The following RSRC1 variants were observed in gnomAD, a reference collection of about 807,000 sequenced individuals.
RSRC1 encodes serine/Arginine-related protein 53.
In RSRC1, 39 loss-of-function variants were observed where a neutral mutation model predicts 49.1. That is an observed-to-expected ratio of 0.79 (90% confidence interval 0.61 to 1.04). The LOEUF is 1.04. RSRC1 is among the 50% of genes least tolerant of loss of function. The pLI is 0.00. For missense variants in RSRC1, 388 were observed against 402.4 expected (o/e 0.96, Z 0.31); for synonymous variants, 143 against 130.8 (o/e 1.09, Z -0.63).
intron 6 of RSRC1, among the ~76,000 whole-genome samples, chr3:158,392,858 T>TA (rs1733394931): frequency 6.6e-6 from 1 of 152,020 alleles, no homozygotes; most frequent in African/African-American, 2.4e-5. Flanking sequence ...ACTCTCCACC[T>TA]AAAAACAACC....
At chr3:158,425,042 G>A (rs1226791309) in intron 6 of RSRC1, among the ~76,000 whole-genome samples, 6 of 150,680 alleles carry the variant, frequency 4.0e-5, no homozygotes, top group East Asian at 3.9e-4. Context: ...TCCTGGATTC[G>A]TTAATTTTTT....
chr3:158,296,894 C>T (rs979031598), intron 4 of RSRC1, among the ~76,000 whole-genome samples: 1 of 151,840 alleles, frequency 6.6e-6, no homozygotes, highest in Non-Finnish European at 1.5e-5. Flanking sequence ...GGTTGGAAGC[C>T]ATGAGTACAG....
chr3:158,118,462 T>TGTGTGTGTGTGTGTGTGA, intron 1 of RSRC1, among the ~76,000 whole-genome samples: 1 of 124,716 alleles, frequency 8.0e-6, no homozygotes, highest in African/African-American at 3.3e-5. Flanking sequence ...TGTGTGTGTG[T>TGTGTGTGTGTGTGTGTGA]GCGCGTGCGC....
At chr3:158,519,964 A>G (rs1029749215) in intron 7 of RSRC1, among the ~76,000 whole-genome samples, 2 of 152,134 alleles carry the variant, frequency 1.3e-5, no homozygotes, top group African/African-American at 2.4e-5. Flanking sequence ...GAAAACCAGA[A>G]GTGTATGATG....
intron 6 of RSRC1, among the ~76,000 whole-genome samples, chr3:158,360,084 G>T (rs1731384650): frequency 6.6e-6 from 1 of 152,002 alleles, no homozygotes; most frequent in African/African-American, 2.4e-5. Context: ...CAGAGAGAAG[G>T]CCCTGGAGTG....
At chr3:158,288,639 A>C (rs1559978279) in intron 4 of RSRC1, among the ~76,000 whole-genome samples, 1 of 152,146 alleles carries the variant, frequency 6.6e-6, no homozygotes, top group Non-Finnish European at 1.5e-5. Flanking sequence ...TACTGCACAT[A>C]CCAAAGTCTA....
chr3:158,513,906 A>G (rs1254297247), intron 7 of RSRC1, among the ~76,000 whole-genome samples: 1 of 152,186 alleles, frequency 6.6e-6, no homozygotes, highest in African/African-American at 2.4e-5. Context: ...TTATTTGCGT[A>G]GAGGTGTTGG....
chr3:158,180,466 G>A (rs1289552616), intron 3 of RSRC1, among the ~76,000 whole-genome samples: 14 of 122,134 alleles, frequency 1.1e-4, no homozygotes, highest in African/African-American at 4.5e-4. Flanking sequence ...GTCTGTGTGT[G>A]TGTAATTTTT....
chr3:158,170,966 G>T (rs1718848649), intron 3 of RSRC1, among the ~76,000 whole-genome samples: 1 of 152,066 alleles, frequency 6.6e-6, no homozygotes, highest in African/African-American at 2.4e-5. Flanking sequence ...CAGACTCCAA[G>T]AAAAAACCAT....
At chr3:158,373,957 A>G (rs1043486172) in intron 6 of RSRC1, among the ~76,000 whole-genome samples, 4 of 152,082 alleles carry the variant, frequency 2.6e-5, no homozygotes, top group African/African-American at 9.6e-5. Flanking sequence ...TAGTTTTTCA[A>G]TAAGCAGCAC....
chr3:158,527,077 C>CTTTTTTTT (rs543523088), intron 7 of RSRC1, among the ~76,000 whole-genome samples: 4 of 110,178 alleles, frequency 3.6e-5, no homozygotes, highest in Non-Finnish European at 5.5e-5. Context: ...AGTTCAAAAT[C>CTTTTTTTT]TTTTTTTTTT....
intron 7 of RSRC1, among the ~76,000 whole-genome samples, chr3:158,473,872 C>A (rs572098211): frequency 6.6e-6 from 1 of 152,098 alleles, no homozygotes; most frequent in Non-Finnish European, 1.5e-5. Context: ...ATAAATACTT[C>A]TTAACTGATT....
At chr3:158,308,188 G>T (rs913624652) in intron 5 of RSRC1, among the ~76,000 whole-genome samples, 1 of 151,894 alleles carries the variant, frequency 6.6e-6, no homozygotes, top group Admixed American at 6.6e-5. Context: ...AATAAAGTCT[G>T]TTATTTTCTT....
chr3:158,324,297 T>C (rs572333549), intron 5 of RSRC1, among the ~76,000 whole-genome samples: 22 of 152,210 alleles, frequency 1.4e-4, no homozygotes, highest in African/African-American at 4.6e-4. Context: ...GTTTGTTACA[T>C]ATGTATACAT....
At chr3:158,284,777 T>C (rs1726410904) in intron 4 of RSRC1, among the ~76,000 whole-genome samples, 1 of 151,900 alleles carries the variant, frequency 6.6e-6, no homozygotes, top group Admixed American at 6.6e-5. Context: ...GAGTTCATTG[T>C]AGATTCTGGA....
At chr3:158,355,775 A>G (rs1304407097) in intron 6 of RSRC1, among the ~76,000 whole-genome samples, 2 of 148,774 alleles carry the variant, frequency 1.3e-5, no homozygotes, top group Admixed American at 6.6e-5. Flanking sequence ...GAGTAGTACA[A>G]TAGTCCTCTC....
At chr3:158,237,407 T>C (rs1723304661) in intron 4 of RSRC1, among the ~76,000 whole-genome samples, 1 of 152,184 alleles carries the variant, frequency 6.6e-6, no homozygotes, top group African/African-American at 2.4e-5. Context: ...TTGCTAAATG[T>C]TTTTCTACAG....
chr3:158,452,212 GT>G (rs1737083223), intron 6 of RSRC1, among the ~76,000 whole-genome samples: 1 of 152,076 alleles, frequency 6.6e-6, no homozygotes, highest in African/African-American at 2.4e-5. Flanking sequence ...CTGTGTATTG[GT>G]CATTCTGACC....
At chr3:158,248,749 C>T (rs1724044757) in intron 4 of RSRC1, among the ~76,000 whole-genome samples, 1 of 152,082 alleles carries the variant, frequency 6.6e-6, no homozygotes, top group Non-Finnish European at 1.5e-5. Context: ...AGGCATGTGC[C>T]ACCACGCCTG....
Sources: gnomAD v4.1 joint callset for allele counts (sites outside exome capture counted in the v4.1 genomes callset) on GRCh38, gnomAD v4.1.1 for gene constraint, MANE v1.5 for transcripts, NCBI Gene and HGNC (gene_info 2026-07-23, HGNC 2026-07-21) for gene names.